Variants in RARS1 observed in about 807,000 individuals in gnomAD.
RARS1 encodes arginine--tRNA ligase, cytoplasmic.
In RARS1, 75 loss-of-function variants were observed where a neutral mutation model predicts 78.7. The observed-to-expected ratio is 0.95, with a 90% CI of 0.79 to 1.15. RARS1 has a LOEUF of 1.15. Ranked by LOEUF, RARS1 falls within the 50% of genes most tolerant of loss-of-function variation. The pLI, the probability that RARS1 is intolerant of heterozygous loss-of-function variation, is 0.00. For synonymous variants in RARS1, 273 were observed against 268.2 expected (o/e 1.02, Z -0.18); for missense variants, 787 against 787.5 (o/e 1.00, Z 0.01).
Position 168,507,559 on chromosome 5 carries a change from A to G in RARS1, c.1346+728A>G, listed in dbSNP as rs116257593. ...AACGTGGTCATGCTTCTAAAAAACC[A>G]CATGAAGTAGCTCAAGATGTTTGGC... is the stretch of plus-strand genomic sequence containing the variant. On this transcript the variant is annotated intron_variant, in intron 11 of 14. Transcript: ENST00000231572. Among the ~76,000 whole-genome samples, 599 of 152,336 alleles carry G rather than the reference A, an allele frequency of 3.9e-3. 3 individuals carry two copies. Among genetic ancestry groups the G allele is most frequent in the African/African-American group, 0.014 (570 of 41,578 alleles).
intron 11 of RARS1, among the ~76,000 whole-genome samples, chr5:168,507,974 G>A (rs1042377780): frequency 9.9e-5 from 15 of 151,962 alleles, no homozygotes; most frequent in Non-Finnish European, 1.8e-4. Flanking sequence ...ACAGTGAGGC[G>A]AGATCATATC....
At chr5:168,492,970 T>C (rs1758117327) in intron 3 of RARS1, 123 bp downstream of exon 3, 7 of 975,962 alleles carry the variant, frequency 7.2e-6, no homozygotes, top group African/African-American at 6.4e-5. Flanking sequence ...TGCCACAGTT[T>C]GAAAAACTTG....
chr5:168,501,615 TG>T (rs754771919), intron 8 of RARS1, among the ~76,000 whole-genome samples: 25 of 152,006 alleles, frequency 1.6e-4, no homozygotes, highest in Non-Finnish European at 2.9e-4. Flanking sequence ...CCCAGCTACT[TG>T]GGAGGCTGAG....
chr5:168,517,829 T>C lies in RARS1; in HGVS notation c.1640T>C (p.Leu547Pro), dbSNP rs1271683271. Residue 547 changes from leucine (L) to proline (P), a missense_variant, in exon 14 of 15, where the codon CTG becomes CCG. By Grantham distance (98) the Leu-to-Pro change is moderately conservative. Transcript: ENST00000231572. Reference sequence around the variant, plus strand: ...TTTTTTTTAAGGTCTATTGCACGTCTGGCCAATATTGATGAAGAAATGCTC... The same window carrying C: ...TTTTTTTTAAGGTCTATTGCACGTCCGGCCAATATTGATGAAGAAATGCTC... Reference protein sequence around the residue: ...AFTRIRSIARLANIDEEMLQK... With the variant: ...AFTRIRSIARPANIDEEMLQK... The C allele has an allele frequency of 1.9e-6, 3 of 1,613,698 alleles. No individual in the cohort carries two copies. The South Asian group carries it at 3.3e-5, about 18-fold the overall frequency.
At chr5:168,518,095 T>TTTG in intron 14 of RARS1, 33 bp downstream of exon 14, 2 of 1,338,144 alleles carry the variant, frequency 1.5e-6, no homozygotes, top group Non-Finnish European at 2.0e-6. Context: ...TTTTTTTTTT[T>TTTG]AGTGAGAGAC....
chr5:168,487,196 A>G (rs1561817754), intron 1 of RARS1, among the ~76,000 whole-genome samples: 1 of 149,178 alleles, frequency 6.7e-6, no homozygotes. Flanking sequence ...CTCCGTCTCT[A>G]CTGAAAATAC....
chr5:168,488,669 C>A lies in RARS1; in HGVS notation c.113C>A (p.Ser38Tyr), dbSNP rs773696526. The A allele has an allele frequency of 1.2e-6, 2 of 1,612,928 alleles. No homozygotes were observed. The highest frequency in any genetic ancestry group is 1.7e-6 in the Non-Finnish European group (2 of 1,179,664). ...RLKNCGCLGA[S>Y]PNLEQLQEEN... ...AAAAACTGTGGCTGTTTAGGAGCTT[C>A]TCCAAATTTGGAGCAGTTACAAGAA... Residue 38 changes from serine to tyrosine, a missense_variant, in exon 2 of 15, where the codon TCT becomes TAT. By Grantham distance (144) the Ser-to-Tyr change is moderately radical. Coordinates refer to ENST00000231572, the MANE Select transcript of RARS1 (RefSeq NM_002887.4).
At position 168,518,069 on chromosome 5, in the gene RARS1, G is replaced by GTTTTTTTTTTTTTTTTTTTTT. The variant is rs772589730; in HGVS notation, c.1873+8_1873+9insTTTTTTTTTTTTTTTTTTTTT. On this transcript the variant is annotated splice_region_variant and intron_variant, in intron 14 of 14. Coordinates refer to ENST00000231572, the MANE Select transcript of RARS1 (RefSeq NM_002887.4). ...GAGAAAGATAGACAGACTGGTGAGTGTCTTTTTTTTTTTTTTTTTTTTTTT... is the reference window on the plus strand; with the variant it reads ...GAGAAAGATAGACAGACTGGTGAGTGTTTTTTTTTTTTTTTTTTTTTTCTTTTTTTTTTTTTTTTTTTTTTT... 8.9e-6 allele frequency: 6 copies of GTTTTTTTTTTTTTTTTTTTTT among 675,900 alleles called. No individual in the cohort carries two copies. The highest frequency in any genetic ancestry group is 1.1e-5 in the Non-Finnish European group (6 of 534,042). The allele number at this position is 675,900 out of a possible 1,614,324, so 41.9% of individuals were successfully genotyped here. A position where few individuals can be genotyped will look rare whatever the true frequency, so the allele number is the denominator to read the frequency against.
At chr5:168,517,717 ACTT>A in intron 13 of RARS1, 95 bp from the exon 14 acceptor site, 1 of 1,481,744 alleles carries the variant, frequency 6.7e-7, no homozygotes, top group Non-Finnish European at 9.0e-7. Flanking sequence ...TTTTATAGGA[ACTT>A]CTTTTTAATC....
intron 9 of RARS1, among the ~76,000 whole-genome samples, chr5:168,504,652 C>T (rs199673773): frequency 5.3e-5 from 8 of 151,862 alleles, no homozygotes; most frequent in Admixed American, 1.3e-4. Context: ...GGTGAAACCC[C>T]GTCTCTACTA....
chr5:168,508,066 A>G (rs1455931955), intron 11 of RARS1, among the ~76,000 whole-genome samples: 1 of 152,124 alleles, frequency 6.6e-6, no homozygotes, highest in Non-Finnish European at 1.5e-5. Context: ...AGTCCTTATT[A>G]TAGTGTTTAT....
At chr5:168,519,043 A>C (rs1758731040) in intron 14 of RARS1, 38 bp from the exon 15 acceptor site, 1 of 1,543,986 alleles carries the variant, frequency 6.5e-7, no homozygotes, top group Admixed American at 1.7e-5. Flanking sequence ...TTCAAAAAGG[A>C]AAACAAGTTA....
intron 2 of RARS1, among the ~76,000 whole-genome samples, chr5:168,491,776 A>G (rs1170613891): frequency 6.6e-6 from 1 of 152,186 alleles, no homozygotes; most frequent in African/African-American, 2.4e-5. Flanking sequence ...TGCATACTCA[A>G]GTATTAACTT....
Position 168,489,186 on chromosome 5 carries a change from A to AT in RARS1, c.180+462dup, listed in dbSNP as rs71972722. Among the ~76,000 whole-genome samples the AT allele has an allele frequency of 1.2e-3, 175 of 147,602 alleles. 1 individual carries two copies. The highest frequency in any genetic ancestry group is 3.5e-3 in the African/African-American group (141 of 40,510). ...AGGCGTGTGCCACCACATCCAGCTA[A>AT]TTTTTTTTTTTTAATAGAGATGGGG... On this transcript the variant is annotated intron_variant, in intron 2 of 14. Coordinates refer to ENST00000231572, the MANE Select transcript of RARS1 (RefSeq NM_002887.4).
At chr5:168,498,297 TATTAATCAATGC>T (rs1043251446) in intron 7 of RARS1, among the ~76,000 whole-genome samples, 2 of 152,182 alleles carry the variant, frequency 1.3e-5, no homozygotes, top group African/African-American at 4.8e-5. Context: ...TTTAGAGGTT[TATTAATCAATGC>T]ATTATAGGAC....
chr5:168,517,748 G>A (rs1226536546), intron 13 of RARS1, 67 bp from the exon 14 acceptor site: 7 of 1,144,834 alleles, frequency 6.1e-6, no homozygotes, highest in Non-Finnish European at 8.3e-6. Context: ...ATTTCGAGTG[G>A]AGAATGAGTG....
At chr5:168,513,052 C>CTTT (rs541411053) in intron 12 of RARS1, among the ~76,000 whole-genome samples, 13 of 143,782 alleles carry the variant, frequency 9.0e-5, no homozygotes, top group South Asian at 2.2e-4. Context: ...TCTTTCTTTC[C>CTTT]TTTTTTTTTT....
intron 14 of RARS1, 62 bp downstream of exon 14, chr5:168,518,124 C>A: frequency 7.5e-7 from 1 of 1,325,280 alleles, no homozygotes. Flanking sequence ...TGCTCTGTCC[C>A]TTGGGCTGGA....
intron 7 of RARS1, 67 bp from the exon 8 acceptor site, chr5:168,500,524 C>T: frequency 2.3e-6 from 3 of 1,330,232 alleles, no homozygotes; most frequent in Non-Finnish European, 2.9e-6. Flanking sequence ...TGTGTAAGTT[C>T]TTTTTCTAGA....
Sources: allele counts gnomAD v4.1 joint callset (sites outside exome capture counted in the v4.1 genomes callset), GRCh38; gene constraint gnomAD v4.1.1; transcripts MANE v1.5; gene names NCBI Gene and HGNC (gene_info 2026-07-23, HGNC 2026-07-21).